Variants in CAB39L observed in about 807,000 individuals in gnomAD.
CAB39L encodes the protein calcium binding protein 39 like.
CAB39L carries 23 observed loss-of-function variants against 39.1 expected under a neutral mutation model. The observed-to-expected ratio is 0.59, with a 90% confidence interval of 0.42 to 0.83. The LOEUF (loss-of-function observed/expected upper bound fraction) is 0.83, where lower values mean the gene tolerates loss of function less well. Ranked by LOEUF, CAB39L falls within the 40% of genes least tolerant of loss-of-function variation. CAB39L has a pLI of 0.00. For synonymous variants in CAB39L, 126 were observed against 137.2 expected, an observed-to-expected ratio of 0.92 and a Z score of 0.57; for missense variants, 366 against 391.9, an observed-to-expected ratio of 0.93 and a Z score of 0.56.
intron 1 of CAB39L, among the ~76,000 whole-genome samples, chr13:49,436,597 T>A (rs1181331801): frequency 2.1e-5 from 3 of 145,174 alleles, no homozygotes; most frequent in Non-Finnish European, 4.5e-5. Context: ...GGAGTCTCTC[T>A]ATATTGCCCA....
At chr13:49,359,684 G>T in intron 6 of CAB39L, 30 bp downstream of exon 6, 2 of 1,186,690 alleles carry the variant, frequency 1.7e-6, no homozygotes, top group Non-Finnish European at 2.5e-6. Flanking sequence ...TAAAAACTTA[G>T]CCCTACTTGA....
rs536611623 is a variant in CAB39L at position 49,431,053 on chromosome 13, C to T, written c.-32+2265G>A. Reference sequence around the variant, plus strand: ...AACAATAAGCTGCACATATTTAAAGCGTACAACTCAAAAAGTTTGGACATA... The same window carrying T: ...AACAATAAGCTGCACATATTTAAAGTGTACAACTCAAAAAGTTTGGACATA... On this transcript the variant is annotated intron_variant, in intron 3 of 10. Coordinates refer to ENST00000409308, the MANE Select transcript of CAB39L (RefSeq NM_001079670.3). Among the ~76,000 whole-genome samples the T allele has an allele frequency of 5.9e-5, 9 of 152,264 alleles. No homozygotes were observed. The South Asian group carries it at 1.2e-3, about 21-fold the overall frequency.
At chr13:49,397,948 T>C (rs1297191447) in intron 3 of CAB39L, among the ~76,000 whole-genome samples, 1 of 151,892 alleles carries the variant, frequency 6.6e-6, no homozygotes, top group Non-Finnish European at 1.5e-5. Flanking sequence ...CAAATTTTGG[T>C]TAGTTACTGT....
At chr13:49,335,417 T>G (rs1954820718) in intron 9 of CAB39L, among the ~76,000 whole-genome samples, 1 of 152,334 alleles carries the variant, frequency 6.6e-6, no homozygotes, top group South Asian at 2.1e-4. Flanking sequence ...AAACAATTAA[T>G]TGTGTTAATT....
intron 3 of CAB39L, among the ~76,000 whole-genome samples, chr13:49,416,249 A>G (rs1357260415): frequency 6.6e-6 from 1 of 152,198 alleles, no homozygotes; most frequent in Non-Finnish European, 1.5e-5. Flanking sequence ...CCAGTGGCCT[A>G]TGATTCCAAA....
chr13:49,416,583 T>C (rs1242067860), intron 3 of CAB39L, among the ~76,000 whole-genome samples: 1 of 151,976 alleles, frequency 6.6e-6, no homozygotes, highest in Admixed American at 6.6e-5. Flanking sequence ...TGTAACGGAG[T>C]ATCTAGTCAT....
intron 1 of CAB39L, among the ~76,000 whole-genome samples, chr13:49,434,464 T>C (rs945218712): frequency 1.3e-5 from 2 of 152,240 alleles, no homozygotes; most frequent in Non-Finnish European, 2.9e-5. Flanking sequence ...CTTTCCTGTG[T>C]AATTTTATGC....
At chr13:49,394,401 T>C (rs1956560759) in intron 3 of CAB39L, among the ~76,000 whole-genome samples, 1 of 152,088 alleles carries the variant, frequency 6.6e-6, no homozygotes, top group Admixed American at 6.6e-5. Flanking sequence ...ATTCTATTGA[T>C]GGTATTTTGC....
intron 7 of CAB39L, among the ~76,000 whole-genome samples, chr13:49,349,186 C>A (rs1955268947): frequency 6.6e-6 from 1 of 152,108 alleles, no homozygotes; most frequent in Admixed American, 6.6e-5. Context: ...TATTTACCAT[C>A]TAAGTCATAG....
chr13:49,435,086 T>C (rs774607576), intron 1 of CAB39L, among the ~76,000 whole-genome samples: 2 of 152,226 alleles, frequency 1.3e-5, no homozygotes, highest in Non-Finnish European at 2.9e-5. Flanking sequence ...TACTTTTCCA[T>C]GCCTTTGTTT....
intron 8 of CAB39L, among the ~76,000 whole-genome samples, chr13:49,340,195 G>A (rs1305885224): frequency 6.6e-6 from 1 of 152,204 alleles, no homozygotes; most frequent in Non-Finnish European, 1.5e-5. Flanking sequence ...TTTGTTGCAT[G>A]ACGGCCCAAC....
In CAB39L at chr13:49,337,979, T is replaced by C. The variant is rs184988216; in HGVS notation, c.690+1698A>G. Among the ~76,000 whole-genome samples, 7 of 152,324 alleles carry C rather than the reference T, an allele frequency of 4.6e-5. No individual in the cohort carries two copies. In the East Asian group the frequency reaches 1.3e-3, roughly 29 times the overall value. On this transcript the variant is annotated intron_variant, in intron 9 of 10. Transcript: ENST00000409308. ...AAATATTTGTTAACTAAATGGAATG[T>C]CTTATTACCTCCCTCACACCTCCTT...
chr13:49,345,465 C>T (rs1955120958), intron 7 of CAB39L, among the ~76,000 whole-genome samples: 1 of 152,114 alleles, frequency 6.6e-6, no homozygotes, highest in African/African-American at 2.4e-5. Context: ...CATTCATTAC[C>T]ACTCTGGAAC....
intron 5 of CAB39L, among the ~76,000 whole-genome samples, chr13:49,361,012 G>A (rs1285738415): frequency 6.6e-6 from 1 of 152,082 alleles, no homozygotes; most frequent in African/African-American, 2.4e-5. Flanking sequence ...CAATCAGTAT[G>A]GCCCTAGTTC....
chr13:49,370,566 G>A (rs1483020898), intron 5 of CAB39L, among the ~76,000 whole-genome samples: 1 of 152,202 alleles, frequency 6.6e-6, no homozygotes, highest in East Asian at 1.9e-4. Context: ...GTGTTGTCCA[G>A]GGTGTCATAT....
At chr13:49,360,641 A>T (rs1955605809) in intron 5 of CAB39L, among the ~76,000 whole-genome samples, 2 of 152,160 alleles carry the variant, frequency 1.3e-5, no homozygotes, top group African/African-American at 4.8e-5. Flanking sequence ...CCTCACCCAG[A>T]TCTCATTACG....
In CAB39L at chr13:49,359,756, TAC is replaced by T. The variant is rs1566088763; in HGVS notation, c.351_352del (p.Ile119Ter). ...CAGGATATGAGGATGAGCACTAATA[TAC>T]TCCACAGTAGGACTCCGAGTGCCTA... is the stretch of plus-strand genomic sequence containing the variant. On this transcript the variant is annotated frameshift_variant, in exon 6 of 11. Coordinates refer to ENST00000409308, the MANE Select transcript of CAB39L (RefSeq NM_001079670.3). LOFTEE classifies it high-confidence loss of function. 1.2e-6 allele frequency: 2 copies of T among 1,612,252 alleles called. No homozygotes were observed. The highest frequency in any genetic ancestry group is 4.5e-5 in the East Asian group (2 of 44,858).
At chr13:49,331,620 C>T (rs543573855) in intron 10 of CAB39L, among the ~76,000 whole-genome samples, 88 of 151,416 alleles carry the variant, frequency 5.8e-4, no homozygotes, top group African/African-American at 2.0e-3. Context: ...AGAGACAGTG[C>T]TTGTAGGAAG....
chr13:49,405,302 C>A (rs1349114915), intron 3 of CAB39L, among the ~76,000 whole-genome samples: 2 of 151,100 alleles, frequency 1.3e-5, no homozygotes, highest in African/African-American at 2.4e-5. Context: ...AAGAAAAAAA[C>A]CTTTTATCCT....
Sources: gnomAD v4.1 joint callset for allele counts (sites outside exome capture counted in the v4.1 genomes callset) on GRCh38, gnomAD v4.1.1 for gene constraint, MANE v1.5 for transcripts, NCBI Gene and HGNC (gene_info 2026-07-23, HGNC 2026-07-21) for gene names.